Variants in LIMCH1 observed in about 807,000 individuals in gnomAD.
LIMCH1 encodes the protein LIM and calponin homology domains 1, also known as LIM and calponin homology domains-containing protein 1.
Under a neutral mutation model 176.5 loss-of-function variants are expected in LIMCH1, and 113 were observed. The observed-to-expected ratio is 0.64, with a 90% confidence interval of 0.55 to 0.75. The LOEUF (loss-of-function observed/expected upper bound fraction) is 0.75. Ranked by LOEUF, LIMCH1 falls within the 30% of genes least tolerant of loss-of-function variation. The probability of loss-of-function intolerance (pLI) is 0.00; values close to 1 mark genes in which losing one functional copy is unlikely to be tolerated. For synonymous variants in LIMCH1, 619 were observed against 645.9 expected (o/e 0.96, Z 0.63); for missense variants, 1,674 against 1,814.9 (o/e 0.92, Z 1.41).
chr4:41,371,381 A>G (rs545660178), intron 1 of LIMCH1, among the ~76,000 whole-genome samples: 1 of 152,330 alleles, frequency 6.6e-6, no homozygotes, highest in Admixed American at 6.5e-5. Flanking sequence ...AAATCATTAC[A>G]GGAGCCCAAT....
intron 21 of LIMCH1, among the ~76,000 whole-genome samples, chr4:41,668,502 T>C (rs771112606): frequency 6.6e-6 from 1 of 152,248 alleles, no homozygotes; most frequent in Non-Finnish European, 1.5e-5. Flanking sequence ...TTTGTTTTCT[T>C]ATAAATTTAC....
intron 1 of LIMCH1, among the ~76,000 whole-genome samples, chr4:41,466,397 ACT>A (rs1014503829): frequency 3.9e-5 from 6 of 151,950 alleles, no homozygotes; most frequent in Admixed American, 1.3e-4. Context: ...ATTAAATTAG[ACT>A]CTCTGGCTGG....
At chr4:41,589,766 C>T (rs570797585) in intron 1 of LIMCH1, among the ~76,000 whole-genome samples, 69 of 152,304 alleles carry the variant, frequency 4.5e-4, no homozygotes, top group African/African-American at 1.6e-3. Context: ...CCCTTGGCTT[C>T]TCCTGTGTTC....
At chr4:41,495,415 C>T (rs2071935972) in intron 2 of LIMCH1, among the ~76,000 whole-genome samples, 1 of 152,164 alleles carries the variant, frequency 6.6e-6, no homozygotes, top group Non-Finnish European at 1.5e-5. Context: ...AAAGTTTCCT[C>T]ATGCCCCTTC....
intron 1 of LIMCH1, among the ~76,000 whole-genome samples, chr4:41,429,953 G>A (rs887722462): frequency 1.3e-5 from 2 of 152,152 alleles, no homozygotes; most frequent in East Asian, 3.9e-4. Flanking sequence ...ATATTCATTG[G>A]CCAGTCAATG....
chr4:41,620,342 T>C (rs1330546445), intron 6 of LIMCH1, 82 bp from the exon 7 acceptor site: 5 of 1,300,948 alleles, frequency 3.8e-6, no homozygotes, highest in East Asian at 2.5e-5. Context: ...AAAAGTAATA[T>C]CAGAATAGCG....
chr4:41,684,336 C>G (rs1585908429), intron 26 of LIMCH1, 61 bp from the exon 27 acceptor site: 8 of 1,526,894 alleles, frequency 5.2e-6, no homozygotes, highest in Non-Finnish European at 5.3e-6. Context: ...GTTATAGGAC[C>G]AAGAAGTTCG....
At chr4:41,429,028 T>A (rs887530820) in intron 1 of LIMCH1, among the ~76,000 whole-genome samples, 2 of 152,180 alleles carry the variant, frequency 1.3e-5, no homozygotes, top group African/African-American at 4.8e-5. Context: ...AAATCTCTTC[T>A]TGGGAAGGAA....
At chr4:41,613,066 C>T (rs1286623298) in intron 4 of LIMCH1, 1 of 1,552,204 alleles carries the variant, frequency 6.4e-7, no homozygotes, top group Non-Finnish European at 8.7e-7. Flanking sequence ...CCAGGACAGA[C>T]ATGCAGTTAT....
Position 41,620,438 on chromosome 4 carries a change from T to C in LIMCH1, c.473T>C (p.Ile158Thr). 3 of 1,535,918 alleles carry C rather than the reference T, an allele frequency of 2.0e-6. No homozygotes were observed. The highest frequency in any genetic ancestry group is 2.4e-5 in the South Asian group (2 of 84,036). ...CAACTCACTAGCTTTCCTGAAACGA[T>C]AGAGGAAGAGGGGAGTGAAGTGGGG... Reference protein sequence around the residue: ...GERPFSFPETIEEEGSEVGSA... With the variant: ...GERPFSFPETTEEEGSEVGSA... Residue 158 changes from isoleucine to threonine, a missense_variant, in exon 7 of 32, where the codon ATA (isoleucine) becomes ACA (threonine). By Grantham distance (89) the Ile-to-Thr change is moderately conservative. Coordinates refer to ENST00000503057, the MANE Select transcript of LIMCH1 (RefSeq NM_001330672.2).
rs2091167212 is a variant in LIMCH1 at position 41,609,513 on chromosome 4, G to A, written c.9+3509G>A. 1.2e-5 allele frequency: 5 copies of A among 401,534 alleles called. No individual in the cohort carries two copies. The Admixed American group carries it at 1.4e-4, about 11-fold the overall frequency. 24.9% of individuals were successfully genotyped at this position (401,534 alleles called of 1,614,324 possible). A position where few individuals can be genotyped will look rare whatever the true frequency, so the allele number is the denominator to read the frequency against. ...AGAACCCTAAAGCCCTCTAGATCAG[G>A]GTGAGCCACCTTACAAATCACAAAG... On this transcript the variant is annotated intron_variant, in intron 4 of 31. Transcript: ENST00000503057.
At chr4:41,493,419 T>A (rs532358841) in intron 1 of LIMCH1, among the ~76,000 whole-genome samples, 7 of 152,156 alleles carry the variant, frequency 4.6e-5, no homozygotes, top group African/African-American at 9.6e-5. Flanking sequence ...GTTCTACATT[T>A]GTGGGTTCAA....
rs1351945087 is a variant in LIMCH1 at position 41,682,425 on chromosome 4, G to C, written c.3810G>C (p.Lys1270Asn). 2 of 1,613,294 alleles carry C rather than the reference G, an allele frequency of 1.2e-6. No individual in the cohort carries two copies. Among genetic ancestry groups the C allele is most frequent in the South Asian group, 1.1e-5 (1 of 91,028 alleles). The change falls in exon 26 of 32, where the codon AAG (lysine) becomes AAC (asparagine). Residue 1270 changes from lysine to asparagine, a missense_variant. Lys to Asn is a moderately conservative substitution (Grantham distance 94, BLOSUM62 0). Transcript: ENST00000503057. ...FQGDDSDLLL[K>N]TRESDRLEEK... ...GAGATGACAGTGACTTATTGCTGAA[G>C]ACTAGGGAAAGTGATCGACTGGAGG...
In LIMCH1 at chr4:41,471,783, C is replaced by A. The variant is rs1442779959; in HGVS notation, c.97-22753C>A. 2.0e-5 allele frequency among the ~76,000 whole-genome samples: 3 copies of A among 152,140 alleles called. No individual in the cohort carries two copies. In the East Asian group the frequency reaches 5.8e-4, roughly 29 times the overall value. ...TATTGTGAGGCAGGCTGTGATCTACCTTTTTGACTTACTCATTCCAGCCAT... is the reference window on the plus strand; with the variant it reads ...TATTGTGAGGCAGGCTGTGATCTACATTTTTGACTTACTCATTCCAGCCAT... On this transcript the variant is annotated intron_variant, in intron 1 of 26. Coordinates refer to the LIMCH1 transcript ENST00000313860.
At chr4:41,606,082 A>G in intron 4 of LIMCH1, 78 bp downstream of exon 4, 2 of 959,562 alleles carry the variant, frequency 2.1e-6, no homozygotes, top group South Asian at 1.4e-5. Context: ...TTTTAAGATT[A>G]CTAGAGTACT....
At chr4:41,675,815 A>C (rs1025751878) in intron 22 of LIMCH1, among the ~76,000 whole-genome samples, 2 of 152,162 alleles carry the variant, frequency 1.3e-5, no homozygotes, top group Admixed American at 6.5e-5. Context: ...TTTGAGCTTG[A>C]GTGTTTGTGT....
intron 1 of LIMCH1, among the ~76,000 whole-genome samples, chr4:41,596,854 T>C (rs1461087088): frequency 1.3e-5 from 2 of 152,156 alleles, no homozygotes; most frequent in Non-Finnish European, 2.9e-5. Context: ...TTGTGAACAA[T>C]GGCATCTCTT....
At chr4:41,382,355 G>A (rs6852057) in intron 1 of LIMCH1, among the ~76,000 whole-genome samples, 51,170 of 149,774 alleles carry the variant, frequency 0.34, 10,013 homozygotes, top group African/African-American at 0.55. Context: ...GAATTTAGGT[G>A]CCTTGGTATG....
chr4:41,594,096 A>G (rs941251758), intron 1 of LIMCH1, among the ~76,000 whole-genome samples: 1 of 152,220 alleles, frequency 6.6e-6, no homozygotes, highest in Non-Finnish European at 1.5e-5. Context: ...CAAAATCATG[A>G]TCACACCTAA....
Sources: allele counts gnomAD v4.1 joint callset (sites outside exome capture counted in the v4.1 genomes callset), GRCh38; gene constraint gnomAD v4.1.1; transcripts MANE v1.5; gene names NCBI Gene and HGNC (gene_info 2026-07-23, HGNC 2026-07-21).